Variants in CRADD observed in about 807,000 individuals in gnomAD.
The protein encoded by CRADD is death domain-containing protein CRADD.
In CRADD, 9 loss-of-function variants were observed where a neutral mutation model predicts 15.5. The observed-to-expected ratio is 0.58, with a 90% CI of 0.35 to 1.01. CRADD has a LOEUF of 1.01. Among genes scored for constraint, CRADD ranks in the 50% least tolerant of loss-of-function variants. The pLI, the probability that CRADD is intolerant of heterozygous loss-of-function variation, is 0.02. For missense variants in CRADD, 227 were observed against 250.3 expected, an observed-to-expected ratio of 0.91 and a Z score of 0.63; for synonymous variants, 118 against 107.6, an observed-to-expected ratio of 1.10 and a Z score of -0.60.
At chr12:93,836,549 A>T (rs1211891151) in intron 2 of CRADD, among the ~76,000 whole-genome samples, 1 of 152,154 alleles carries the variant, frequency 6.6e-6, no homozygotes, top group East Asian at 1.9e-4. Flanking sequence ...TCTAACCTTG[A>T]CAATATTTTA....
intron 2 of CRADD, among the ~76,000 whole-genome samples, chr12:93,734,034 C>A (rs1473426224): frequency 6.6e-6 from 1 of 152,072 alleles, no homozygotes. Context: ...ACCTGCCTGG[C>A]CTGTCCATCC....
chr12:93,694,837 C>T (rs1955662716), intron 2 of CRADD, among the ~76,000 whole-genome samples: 2 of 152,224 alleles, frequency 1.3e-5, no homozygotes, highest in South Asian at 4.1e-4. Flanking sequence ...GGGAGGAAAC[C>T]TCATGTTCAT....
At chr12:93,685,960 T>G (rs1272647706) in intron 2 of CRADD, among the ~76,000 whole-genome samples, 1 of 151,824 alleles carries the variant, frequency 6.6e-6, no homozygotes, top group Non-Finnish European at 1.5e-5. Context: ...GCCATTGCAC[T>G]CCAGCCTGGG....
chr12:93,763,838 T>TGGGACA (rs1458780847), intron 2 of CRADD, among the ~76,000 whole-genome samples: 1 of 152,176 alleles, frequency 6.6e-6, no homozygotes, highest in East Asian at 1.9e-4. Flanking sequence ...GTCAGTATAG[T>TGGGACA]GTCAGGATGG....
At chr12:93,894,262 G>A in exon 3 of CRADD, 2 of 552,244 alleles carry the variant, frequency 3.6e-6, no homozygotes, top group African/African-American at 1.9e-5. Context: ...TTCTGTGTAT[G>A]TGTGTGGGTG....
At chr12:93,765,241 AAG>A (rs1294160240) in intron 2 of CRADD, among the ~76,000 whole-genome samples, 1 of 152,092 alleles carries the variant, frequency 6.6e-6, no homozygotes, top group Non-Finnish European at 1.5e-5. Flanking sequence ...GGGCTTTTGG[AAG>A]AGTTATTCAG....
At chr12:93,849,910 C>G in intron 2 of CRADD, 60 bp from the exon 3 acceptor site, 1 of 970,756 alleles carries the variant, frequency 1.0e-6, no homozygotes, top group Non-Finnish European at 1.7e-6. Flanking sequence ...CTCATTTCTG[C>G]CCCCAAATGA....
At chr12:93,881,401 A>G (rs929021706) in intron 2 of CRADD, among the ~76,000 whole-genome samples, 8 of 129,308 alleles carry the variant, frequency 6.2e-5, no homozygotes, top group Non-Finnish European at 1.1e-4. Flanking sequence ...GAAACACGTC[A>G]ATTTTTTTTG....
At chr12:93,826,033 CT>C (rs1957819883) in intron 2 of CRADD, among the ~76,000 whole-genome samples, 1 of 152,232 alleles carries the variant, frequency 6.6e-6, no homozygotes. Context: ...GCTGAACTGT[CT>C]TCAGGAAAAT....
chr12:93,740,174 A>G (rs1956645267), intron 2 of CRADD, among the ~76,000 whole-genome samples: 1 of 152,144 alleles, frequency 6.6e-6, no homozygotes, highest in South Asian at 2.1e-4. Flanking sequence ...ACTAGCAGTA[A>G]CCTCATCTGT....
chr12:93,694,638 C>T (rs1172913909), intron 2 of CRADD, among the ~76,000 whole-genome samples: 4 of 152,154 alleles, frequency 2.6e-5, no homozygotes, highest in African/African-American at 7.2e-5. Flanking sequence ...ACAAAATTAA[C>T]ATAAAAATCA....
intron 2 of CRADD, among the ~76,000 whole-genome samples, chr12:93,817,358 A>G (rs1957715717): frequency 1.3e-5 from 2 of 152,158 alleles, no homozygotes; most frequent in Admixed American, 1.3e-4. Context: ...GGGAACGTGG[A>G]GCTTAACCAG....
intron 2 of CRADD, among the ~76,000 whole-genome samples, chr12:93,839,289 C>A (rs1390395686): frequency 1.3e-5 from 2 of 152,170 alleles, no homozygotes; most frequent in East Asian, 3.9e-4. Context: ...CTCATAGTGA[C>A]CCCTCATGGA....
At chr12:93,780,848 C>G (rs975655339) in intron 2 of CRADD, among the ~76,000 whole-genome samples, 3 of 106,926 alleles carry the variant, frequency 2.8e-5, no homozygotes, top group Admixed American at 2.0e-4. Flanking sequence ...TCAAGTGATT[C>G]TCATATCTCA....
intron 2 of CRADD, among the ~76,000 whole-genome samples, chr12:93,876,521 T>C (rs1958458577): frequency 6.6e-6 from 1 of 152,280 alleles, no homozygotes; most frequent in East Asian, 1.9e-4. Flanking sequence ...CATTTTTCTT[T>C]TGTCTCTTCT....
chr12:93,791,816 C>T (rs1055527532), intron 2 of CRADD, among the ~76,000 whole-genome samples: 2 of 150,548 alleles, frequency 1.3e-5, no homozygotes, highest in African/African-American at 4.9e-5. Flanking sequence ...TATTATTTAT[C>T]AGTAAGAAAT....
intron 2 of CRADD, among the ~76,000 whole-genome samples, chr12:93,700,930 C>T (rs915488499): frequency 7.9e-5 from 12 of 152,208 alleles, no homozygotes; most frequent in East Asian, 1.9e-4. Context: ...CTCTCTCATG[C>T]GCTTCTGAGC....
chr12:93,855,622 G>C (rs910655499), downstream of CRADD, among the ~76,000 whole-genome samples: 1 of 152,126 alleles, frequency 6.6e-6, no homozygotes, highest in Non-Finnish European at 1.5e-5. Flanking sequence ...TGTATCTAAG[G>C]CTCTGTCACT....
intron 2 of CRADD, among the ~76,000 whole-genome samples, chr12:93,755,666 C>A (rs1415030452): frequency 6.6e-6 from 1 of 152,172 alleles, no homozygotes; most frequent in African/African-American, 2.4e-5. Context: ...GATTTAGGAG[C>A]CTAAGTGCAT....
Sources: gnomAD v4.1 joint callset for allele counts (sites outside exome capture counted in the v4.1 genomes callset) on GRCh38, gnomAD v4.1.1 for gene constraint, MANE v1.5 for transcripts, NCBI Gene and HGNC (gene_info 2026-07-23, HGNC 2026-07-21) for gene names.